SEC63: variants seen among roughly 807,000 people sequenced by gnomAD.
SEC63 encodes SEC63 protein translocation regulator.
SEC63 carries 56 observed loss-of-function variants against 116.2 expected under a neutral mutation model. The ratio of observed to expected loss-of-function variants is 0.48; its 90% CI spans 0.39 to 0.60. SEC63 has a LOEUF of 0.60. SEC63 is among the 20% of genes least tolerant of loss of function. The pLI, the probability that SEC63 is intolerant of heterozygous loss-of-function variation, is 0.00. For missense variants in SEC63, 668 were observed against 900.0 expected (o/e 0.74, Z 3.30); for synonymous variants, 273 against 294.6 (o/e 0.93, Z 0.75).
chr6:107,949,664 C>T (rs1770541540), intron 1 of SEC63, among the ~76,000 whole-genome samples: 1 of 152,148 alleles, frequency 6.6e-6, no homozygotes, highest in Non-Finnish European at 1.5e-5. Flanking sequence ...GGGTCTCCTT[C>T]TGTCATCCAG....
At chr6:107,948,079 G>A (rs946438761) in intron 1 of SEC63, among the ~76,000 whole-genome samples, 1 of 151,962 alleles carries the variant, frequency 6.6e-6, no homozygotes, top group African/African-American at 2.4e-5. Flanking sequence ...CCTATATATG[G>A]AATGCCCTTC....
chr6:107,905,973 C>T (rs1389635432), intron 10 of SEC63, among the ~76,000 whole-genome samples: 1 of 152,168 alleles, frequency 6.6e-6, no homozygotes, highest in Non-Finnish European at 1.5e-5. Flanking sequence ...AAACACACCG[C>T]ACCACCATGC....
chr6:107,944,803 T>C (rs1770446993), intron 1 of SEC63, among the ~76,000 whole-genome samples: 1 of 152,174 alleles, frequency 6.6e-6, no homozygotes, highest in African/African-American at 2.4e-5. Flanking sequence ...GGGTTACAAA[T>C]TCTACCAAAA....
intron 1 of SEC63, among the ~76,000 whole-genome samples, chr6:107,937,224 G>C (rs1401308982): frequency 6.7e-6 from 1 of 149,854 alleles, no homozygotes; most frequent in Admixed American, 6.8e-5. Context: ...CCGGGTTCAA[G>C]TGATTCTCCT....
At chr6:107,888,517 A>G (rs1786594440) in intron 16 of SEC63, among the ~76,000 whole-genome samples, 1 of 152,204 alleles carries the variant, frequency 6.6e-6, no homozygotes, top group Non-Finnish European at 1.5e-5. Flanking sequence ...TTTTCTAAAT[A>G]TATAATCATG....
chr6:107,886,027 T>G (rs1011758500), intron 16 of SEC63, among the ~76,000 whole-genome samples: 7 of 152,070 alleles, frequency 4.6e-5, no homozygotes, highest in Admixed American at 4.6e-4. Flanking sequence ...CCACCCGACA[T>G]GCCCCGGTGT....
At position 107,893,695 on chromosome 6, in the gene SEC63, CA is replaced by C. The variant is rs781462036; in HGVS notation, c.1501-41del. On this transcript the variant is annotated intron_variant, in intron 15 of 20. Coordinates refer to ENST00000369002, the MANE Select transcript of SEC63 (RefSeq NM_007214.5). ...ACGTCACACTCTTAAGTTATAGCAA[CA>C]GATTCAATTGAAGGTTGTAGTAATT... 3.1e-6 allele frequency: 5 copies of C among 1,610,802 alleles called. No individual in the cohort carries two copies. In the South Asian group the frequency reaches 5.5e-5, roughly 18 times the overall value.
chr6:107,893,410 C>T (rs1245524753), intron 16 of SEC63, 72 bp downstream of exon 16: 1 of 1,443,814 alleles, frequency 6.9e-7, no homozygotes, highest in South Asian at 1.2e-5. Flanking sequence ...TGAAGCTGTA[C>T]ACGTAAGACT....
intron 18 of SEC63, among the ~76,000 whole-genome samples, chr6:107,880,715 T>C (rs1786394885): frequency 6.6e-6 from 1 of 152,178 alleles, no homozygotes. Flanking sequence ...ATTCTAATGG[T>C]TCCATGTCGC....
At chr6:107,932,286 T>C (rs1487734125) in intron 1 of SEC63, 1 of 152,158 alleles carries the variant, frequency 6.6e-6, no homozygotes, top group African/African-American at 2.4e-5. Flanking sequence ...ATAATTTTTT[T>C]TTACCATATT....
intron 7 of SEC63, among the ~76,000 whole-genome samples, chr6:107,909,682 C>A (rs1457524006): frequency 1.3e-5 from 2 of 152,190 alleles, no homozygotes; most frequent in Non-Finnish European, 2.9e-5. Context: ...GTTCTTGACA[C>A]ACAGCATGTC....
intron 18 of SEC63, among the ~76,000 whole-genome samples, chr6:107,877,577 G>A (rs896291813): frequency 6.6e-6 from 1 of 151,974 alleles, no homozygotes; most frequent in Non-Finnish European, 1.5e-5. Context: ...CCAAGTAGCT[G>A]AGACTACAGG....
intron 4 of SEC63, among the ~76,000 whole-genome samples, chr6:107,916,830 C>T (rs867221726): frequency 6.6e-6 from 1 of 152,234 alleles, no homozygotes; most frequent in African/African-American, 2.4e-5. Context: ...GCTCCACTCA[C>T]TGGCCATTCC....
intron 1 of SEC63, among the ~76,000 whole-genome samples, chr6:107,952,864 A>T (rs1454895901): frequency 1.3e-5 from 2 of 152,230 alleles, no homozygotes; most frequent in African/African-American, 2.4e-5. Flanking sequence ...AAATACTGTC[A>T]GAAGTCTGAA....
intron 1 of SEC63, among the ~76,000 whole-genome samples, chr6:107,955,006 CG>C (rs1342981351): frequency 6.6e-6 from 1 of 152,136 alleles, no homozygotes; most frequent in Non-Finnish European, 1.5e-5. Flanking sequence ...AGCAGAGAGC[CG>C]GATGTAAAAC....
chr6:107,868,878 T>C lies in SEC63; in HGVS notation c.*2826A>G, dbSNP rs906881969. On this transcript the variant is annotated 3_prime_UTR_variant, in exon 21 of 21. Transcript: ENST00000369002. ...ACAACCTCTCAAAAATTATGTAAGG[T>C]GCTGAATTACATTTGAAATAAGAAT... is the stretch of plus-strand genomic sequence containing the variant. The C allele has an allele frequency of 6.6e-6, 1 of 152,180 alleles. No individual in the cohort carries two copies. 9.4% of individuals were successfully genotyped at this position (152,180 alleles called of 1,614,324 possible).
Position 107,954,078 on chromosome 6 carries a change from A to G in SEC63, c.124+3808T>C, listed in dbSNP as rs1770650527. On this transcript the variant is annotated intron_variant, in intron 1 of 20. Transcript: ENST00000369002. ...AATCGGATGGTTGCCATGTCTGTGT[A>G]GAAAGAGGTAGACACGGGAGACTTT... Among the ~76,000 whole-genome samples, 4 of 152,224 alleles carry G rather than the reference A, an allele frequency of 2.6e-5. No individual in the cohort carries two copies. In the South Asian group the frequency reaches 8.3e-4, roughly 32 times the overall value.
At chr6:107,873,998 T>C in intron 19 of SEC63, among the ~76,000 whole-genome samples, 1 of 152,200 alleles carries the variant, frequency 6.6e-6, no homozygotes, top group East Asian at 1.9e-4. Flanking sequence ...GGTAAAACAC[T>C]GTTGGAGAAT....
At chr6:107,920,737 G>C (rs1366988800) in intron 4 of SEC63, among the ~76,000 whole-genome samples, 2 of 152,142 alleles carry the variant, frequency 1.3e-5, no homozygotes, top group Admixed American at 1.3e-4. Flanking sequence ...GAAGAGTCCT[G>C]AAGAATCTAG....
Sources: allele counts gnomAD v4.1 joint callset (sites outside exome capture counted in the v4.1 genomes callset), GRCh38; gene constraint gnomAD v4.1.1; transcripts MANE v1.5; gene names NCBI Gene and HGNC (gene_info 2026-07-23, HGNC 2026-07-21).